Variants in CADM3 observed in about 807,000 individuals in gnomAD.
CADM3 encodes cell adhesion molecule 3, also known as TSLC1-like 1.
Under a neutral mutation model 44.9 loss-of-function variants are expected in CADM3, and 11 were observed. The ratio of observed to expected loss-of-function variants is 0.25; its 90% CI spans 0.15 to 0.41. The LOEUF (loss-of-function observed/expected upper bound fraction) is 0.41. Ranked by LOEUF, CADM3 falls within the 10% of genes least tolerant of loss-of-function variation. The pLI is 1.00. For missense variants in CADM3, 426 were observed against 512.0 expected, an observed-to-expected ratio of 0.83 and a Z score of 1.62; for synonymous variants, 207 against 205.2, an observed-to-expected ratio of 1.01 and a Z score of -0.08.
chr1:159,196,134 C>T, intron 5 of CADM3: 1 of 511,536 alleles, frequency 2.0e-6, no homozygotes, highest in Non-Finnish European at 3.5e-6. Context: ...TTAGGGCCCA[C>T]CAAGGACAGA....
intron 1 of CADM3, among the ~76,000 whole-genome samples, chr1:159,178,269 T>G (rs1649100627): frequency 6.6e-6 from 1 of 152,230 alleles, no homozygotes; most frequent in Non-Finnish European, 1.5e-5. Flanking sequence ...ACTATAAGTG[T>G]GGAATGTAAA....
chr1:159,193,651 A>G, intron 4 of CADM3, 91 bp downstream of exon 4: 20 of 1,564,432 alleles, frequency 1.3e-5, no homozygotes, highest in Non-Finnish European at 1.8e-5. Context: ...GAGGCATGGT[A>G]TGGAAGAGAA....
intron 1 of CADM3, among the ~76,000 whole-genome samples, chr1:159,179,908 A>G (rs186306118): frequency 6.6e-6 from 1 of 152,258 alleles, no homozygotes; most frequent in Non-Finnish European, 1.5e-5. Context: ...AATACATATT[A>G]TATGTTTCTT....
intron 5 of CADM3, 24 bp from the exon 6 acceptor site, chr1:159,196,340 T>G: frequency 6.3e-7 from 1 of 1,599,742 alleles, no homozygotes. Context: ...GAGGTATTCA[T>G]TGATACCATT....
rs1467882940 is a variant in CADM3, at chr1:159,201,758, C to T, written c.*836C>T. On this transcript the variant is annotated 3_prime_UTR_variant, in exon 9 of 9. Coordinates refer to ENST00000368125, the MANE Select transcript of CADM3 (RefSeq NM_001127173.3). ...CAGAGTGTGGCTGCCCCTCCTTGCT[C>T]CAGCAGCAGTGGGAGAGGCACTGCT... 1 of 152,580 alleles carries T rather than the reference C, an allele frequency of 6.6e-6. No individual in the cohort carries two copies. Among genetic ancestry groups the T allele is most frequent in the East Asian group, 1.9e-4 (1 of 5,182 alleles). 9.5% of individuals were successfully genotyped at this position (152,580 alleles called of 1,614,324 possible). A position where few individuals can be genotyped will look rare whatever the true frequency, so the allele number is the denominator to read the frequency against.
At chr1:159,188,240 C>T (rs1205531949) in intron 1 of CADM3, among the ~76,000 whole-genome samples, 2 of 151,828 alleles carry the variant, frequency 1.3e-5, no homozygotes, top group South Asian at 4.2e-4. Context: ...ACTCCCTCCC[C>T]TCTCCGGCCT....
chr1:159,193,072 T>C (rs1489172561), intron 3 of CADM3, among the ~76,000 whole-genome samples: 1 of 152,216 alleles, frequency 6.6e-6, no homozygotes, highest in African/African-American at 2.4e-5. Flanking sequence ...GTACCCCAGT[T>C]GCTTACATGC....
At chr1:159,172,399 G>A (rs1347689584) in intron 1 of CADM3, among the ~76,000 whole-genome samples, 3 of 152,136 alleles carry the variant, frequency 2.0e-5, no homozygotes, top group Non-Finnish European at 4.4e-5. Context: ...AGCTCCGAGT[G>A]GGCAGAGAAG....
chr1:159,197,251 G>GA (rs1301039102), intron 7 of CADM3, 191 bp downstream of exon 7: 5 of 561,376 alleles, frequency 8.9e-6, no homozygotes, highest in Non-Finnish European at 1.6e-5. Context: ...GCCGCTTAGT[G>GA]AAAAAACATT....
chr1:159,182,189 C>T (rs1034509085), intron 1 of CADM3, among the ~76,000 whole-genome samples: 2 of 152,164 alleles, frequency 1.3e-5, no homozygotes, highest in East Asian at 1.9e-4. Context: ...TGAACTGGAA[C>T]CTGCCGGTAA....
intron 1 of CADM3, among the ~76,000 whole-genome samples, chr1:159,186,750 C>A (rs943136010): frequency 2.6e-5 from 4 of 152,026 alleles, no homozygotes; most frequent in Non-Finnish European, 5.9e-5. Flanking sequence ...AGAGACAGTT[C>A]TCAAGAGAAG....
chr1:159,196,096 C>T, intron 5 of CADM3: 1 of 397,914 alleles, frequency 2.5e-6, no homozygotes, highest in Admixed American at 4.0e-5. Flanking sequence ...CACTCATTTC[C>T]CTTCTCAGCT....
At chr1:159,192,242 GC>G (rs1294644368) in intron 2 of CADM3, among the ~76,000 whole-genome samples, 166 bp downstream of exon 2, 2 of 152,146 alleles carry the variant, frequency 1.3e-5, no homozygotes, top group African/African-American at 4.8e-5. Context: ...CAGTATTGCA[GC>G]TCTGATTTAC....
chr1:159,177,670 T>A (rs3026969), intron 1 of CADM3, among the ~76,000 whole-genome samples: 1 of 152,122 alleles, frequency 6.6e-6, no homozygotes, highest in Admixed American at 6.5e-5. Flanking sequence ...CTCTGAGATA[T>A]AGATCTAGAA....
At chr1:159,185,387 T>A (rs1649381721) in intron 1 of CADM3, among the ~76,000 whole-genome samples, 1 of 152,200 alleles carries the variant, frequency 6.6e-6, no homozygotes, top group African/African-American at 2.4e-5. Flanking sequence ...CAGTTTACGC[T>A]CTACCCTACC....
At chr1:159,185,294 C>T (rs191627902) in intron 1 of CADM3, among the ~76,000 whole-genome samples, 102 of 152,292 alleles carry the variant, frequency 6.7e-4, no homozygotes, top group African/African-American at 2.3e-3. Context: ...GCTATACTGT[C>T]GTTTTCATCA....
chr1:159,171,701 C>A lies in CADM3; in HGVS notation c.-65C>A. 1.8e-6 allele frequency: 2 copies of A among 1,135,976 alleles called. No homozygotes were observed. The highest frequency in any genetic ancestry group is 3.2e-5 in the East Asian group (1 of 31,226). The allele number at this position is 1,135,976 out of a possible 1,614,324, so 70.4% of individuals were successfully genotyped here. On this transcript the variant is annotated 5_prime_UTR_variant, in exon 1 of 9. Coordinates refer to ENST00000368125, the MANE Select transcript of CADM3 (RefSeq NM_001127173.3). Reference sequence around the variant, plus strand: ...GTCAACATCGTAGTCCACCCCCTCCCCATCCCCAGCCCCCGGGGATTCAGG... The same window carrying A: ...GTCAACATCGTAGTCCACCCCCTCCACATCCCCAGCCCCCGGGGATTCAGG...
intron 8 of CADM3, among the ~76,000 whole-genome samples, chr1:159,200,094 C>T (rs888355902): frequency 3.3e-5 from 5 of 152,174 alleles, no homozygotes; most frequent in African/African-American, 7.2e-5. Context: ...ACTTGGGGAT[C>T]GTCCAAGTGA....
chr1:159,194,411 T>C (rs1185250091), intron 5 of CADM3: 1 of 167,290 alleles, frequency 6.0e-6, no homozygotes, highest in Non-Finnish European at 1.3e-5. Context: ...TAGGCCAGTA[T>C]AATGTAGCCA....
Sources: allele counts gnomAD v4.1 joint callset (sites outside exome capture counted in the v4.1 genomes callset), GRCh38; gene constraint gnomAD v4.1.1; transcripts MANE v1.5; gene names NCBI Gene and HGNC (gene_info 2026-07-23, HGNC 2026-07-21).